Variants in ATP11B observed in about 807,000 individuals in gnomAD.
The protein encoded by ATP11B is phospholipid-transporting ATPase IF.
A neutral mutation model predicts 157.8 loss-of-function variants in ATP11B; 81 were observed. That is an observed-to-expected ratio of 0.51 (90% CI 0.43 to 0.62). The LOEUF is 0.62. Ranked by LOEUF, ATP11B falls within the 20% of genes least tolerant of loss-of-function variation. The pLI is 0.00. For missense variants in ATP11B, 1,165 were observed against 1,402.2 expected (o/e 0.83, Z 2.70); for synonymous variants, 451 against 469.4 (o/e 0.96, Z 0.51).
At chr3:182,816,963 G>C (rs531292387) in intron 1 of ATP11B, among the ~76,000 whole-genome samples, 2 of 152,016 alleles carry the variant, frequency 1.3e-5, no homozygotes, top group Non-Finnish European at 2.9e-5. Flanking sequence ...TTTAATTTCC[G>C]TAAGGGACAT....
chr3:182,891,389 C>T (rs1384141474), intron 25 of ATP11B, among the ~76,000 whole-genome samples: 1 of 151,854 alleles, frequency 6.6e-6, no homozygotes. Context: ...ACATGGTGGC[C>T]CTCTACCCAG....
chr3:182,845,412 T>A, intron 8 of ATP11B, 46 bp from the exon 9 acceptor site: 1 of 1,499,506 alleles, frequency 6.7e-7, no homozygotes, highest in East Asian at 2.4e-5. Flanking sequence ...AATTGAAGAG[T>A]TTTTAATATA....
intron 28 of ATP11B, among the ~76,000 whole-genome samples, chr3:182,900,766 C>A (rs1156783390): frequency 6.6e-6 from 1 of 152,084 alleles, no homozygotes; most frequent in Non-Finnish European, 1.5e-5. Context: ...ATTCTTGAGA[C>A]CGGGTGCAGT....
rs146474375 is a variant in ATP11B, at chr3:182,868,332, A to G, written c.1689-746A>G. On this transcript the variant is annotated intron_variant, in intron 15 of 29. Transcript: ENST00000323116. ...AATTCCAGCTGTGCTTTTCCAAACT[A>G]TGCTTTTCCATACTAGATAGGGCCC... Among the ~76,000 whole-genome samples, 21 of 148,890 alleles carry G rather than the reference A, an allele frequency of 1.4e-4. No individual in the cohort carries two copies. The East Asian group carries it at 1.6e-3, about 11-fold the overall frequency.
chr3:182,907,104 A>G (rs1439517661), intron 28 of ATP11B, among the ~76,000 whole-genome samples: 4 of 152,004 alleles, frequency 2.6e-5, no homozygotes, highest in South Asian at 4.1e-4. Context: ...AAAAAAAAAA[A>G]AAAGAAAGAA....
At chr3:182,793,843 C>T (rs1715406902) in intron 1 of ATP11B, 57 bp downstream of exon 1, 2 of 1,152,484 alleles carry the variant, frequency 1.7e-6, no homozygotes, top group South Asian at 2.9e-5. Context: ...CCTCTCGGCC[C>T]GGGGTGGCGG....
chr3:182,820,389 A>T lies in ATP11B; in HGVS notation c.144+13A>T. On this transcript the variant is annotated intron_variant, in intron 2 of 29. Coordinates refer to ENST00000323116, the MANE Select transcript of ATP11B (RefSeq NM_014616.3). ...CATTTCATCTAAGGTAAGAATTAAAATTTTTATTGTTAGGCCAGGTGCAGT... is the reference window on the plus strand; with the variant it reads ...CATTTCATCTAAGGTAAGAATTAAATTTTTTATTGTTAGGCCAGGTGCAGT... 1.3e-6 allele frequency: 2 copies of T among 1,562,698 alleles called. No homozygotes were observed. Among genetic ancestry groups the T allele is most frequent in the Non-Finnish European group, 1.8e-6 (2 of 1,133,198 alleles).
intron 1 of ATP11B, among the ~76,000 whole-genome samples, chr3:182,813,054 T>C (rs1423917966): frequency 6.6e-6 from 1 of 152,236 alleles, no homozygotes; most frequent in Non-Finnish European, 1.5e-5. Flanking sequence ...ATTTTCTTCC[T>C]TTTTAATGCT....
chr3:182,876,074 C>A (rs1242576287), intron 19 of ATP11B, among the ~76,000 whole-genome samples: 1 of 151,944 alleles, frequency 6.6e-6, no homozygotes, highest in Non-Finnish European at 1.5e-5. Context: ...GAGACCCTGT[C>A]CCCACAAGAA....
chr3:182,811,008 A>C (rs2108490826), intron 1 of ATP11B, among the ~76,000 whole-genome samples: 1 of 152,348 alleles, frequency 6.6e-6, no homozygotes, highest in South Asian at 2.1e-4. Context: ...TGTCATATGA[A>C]GGAAAAATAA....
intron 11 of ATP11B, among the ~76,000 whole-genome samples, chr3:182,858,672 G>A (rs1237223061): frequency 6.6e-6 from 1 of 152,024 alleles, no homozygotes; most frequent in Non-Finnish European, 1.5e-5. Context: ...ATATGGAGCC[G>A]CTAAAGCCGT....
rs540454985 is a variant in ATP11B at position 182,873,436 on chromosome 3, G to A, written c.2049-376G>A. Reference sequence around the variant, plus strand: ...GTCTGATTTTTTAACTATATGAGTGGTTTGAGATATTTTTTTAAATCAAAA... The same window carrying A: ...GTCTGATTTTTTAACTATATGAGTGATTTGAGATATTTTTTTAAATCAAAA... On this transcript the variant is annotated intron_variant, in intron 18 of 29. Coordinates refer to ENST00000323116, the MANE Select transcript of ATP11B (RefSeq NM_014616.3). Among the ~76,000 whole-genome samples, 5 of 152,232 alleles carry A rather than the reference G, an allele frequency of 3.3e-5. No individual in the cohort carries two copies. The South Asian group carries it at 1.0e-3, about 32-fold the overall frequency.
chr3:182,843,022 C>T (rs1228160369), intron 8 of ATP11B, among the ~76,000 whole-genome samples: 1 of 152,234 alleles, frequency 6.6e-6, no homozygotes, highest in Admixed American at 6.5e-5. Flanking sequence ...CAGCTTCACT[C>T]TTTCAGGCAT....
At chr3:182,861,244 T>C (rs1720813091) in intron 12 of ATP11B, among the ~76,000 whole-genome samples, 1 of 151,904 alleles carries the variant, frequency 6.6e-6, no homozygotes, top group South Asian at 2.1e-4. Context: ...TTTGTATTTT[T>C]AGTAGAAACG....
At chr3:182,915,043 G>A in intron 29 of ATP11B, 1 of 985,370 alleles carries the variant, frequency 1.0e-6, no homozygotes, top group Non-Finnish European at 1.2e-6. Context: ...TATAAAGAGT[G>A]AAGAAGGCAC....
intron 24 of ATP11B, among the ~76,000 whole-genome samples, chr3:182,889,191 G>A (rs643625): frequency 0.71 from 108,299 of 152,086 alleles, 39,017 homozygotes; most frequent in Non-Finnish European, 0.77. Flanking sequence ...GAAGAAATAT[G>A]TTTGAATGTA....
rs1217639084 is a variant in ATP11B at position 182,875,090 on chromosome 3, A to G, written c.2252+1075A>G. 2.6e-5 allele frequency among the ~76,000 whole-genome samples: 4 copies of G among 152,188 alleles called. No homozygotes were observed. The East Asian group carries it at 5.8e-4, about 22-fold the overall frequency. ...TTTTGTAAATCTATCTTTTATAGGC[A>G]TATCAAATTTTTGCCCTGTATGGGG... is the stretch of plus-strand genomic sequence containing the variant. On this transcript the variant is annotated intron_variant, in intron 19 of 29. Transcript: ENST00000323116.
intron 29 of ATP11B, 66 bp downstream of exon 29, chr3:182,914,060 C>A (rs1485088360): frequency 6.3e-7 from 1 of 1,591,780 alleles, no homozygotes; most frequent in South Asian, 1.1e-5. Flanking sequence ...GATGAACCTG[C>A]CGCTCTAGAT....
At chr3:182,803,982 CCTT>C (rs1267120083) in intron 1 of ATP11B, among the ~76,000 whole-genome samples, 8 of 152,108 alleles carry the variant, frequency 5.3e-5, no homozygotes, top group African/African-American at 1.9e-4. Flanking sequence ...AGAACCCCCA[CCTT>C]CTTTTTTTTT....
Sources: allele counts gnomAD v4.1 joint callset (sites outside exome capture counted in the v4.1 genomes callset), GRCh38; gene constraint gnomAD v4.1.1; transcripts MANE v1.5; gene names NCBI Gene and HGNC (gene_info 2026-07-23, HGNC 2026-07-21).